The following SEMA3E variants were observed in gnomAD, a reference collection of about 807,000 sequenced individuals.
SEMA3E encodes the protein semaphorin 3E.
Under a neutral mutation model 93.6 loss-of-function variants are expected in SEMA3E, and 49 were observed. The ratio of observed to expected loss-of-function variants is 0.52; its 90% CI spans 0.42 to 0.66. The LOEUF (loss-of-function observed/expected upper bound fraction) is 0.66. SEMA3E is among the 30% of genes least tolerant of loss of function. SEMA3E has a pLI of 0.00. For synonymous variants in SEMA3E, 363 were observed against 330.7 expected (o/e 1.10, Z -1.06); for missense variants, 906 against 964.8 (o/e 0.94, Z 0.81).
At position 83,525,104 on chromosome 7, in the gene SEMA3E, A is replaced by G. The variant is rs548125744; in HGVS notation, c.116-34830T>C. Among the ~76,000 whole-genome samples the G allele has an allele frequency of 2.0e-5, 3 of 152,174 alleles. No homozygotes were observed. The South Asian group carries it at 6.2e-4, about 32-fold the overall frequency. ...TTGCATGTCTGAACCGTGTTTATTC[A>G]ATGCCCTAAGTTAATTGACACTTTG... is the stretch of plus-strand genomic sequence containing the variant. On this transcript the variant is annotated intron_variant, in intron 1 of 16. Coordinates refer to ENST00000643230, the MANE Select transcript of SEMA3E (RefSeq NM_012431.3).
At chr7:83,634,050 C>T (rs940757793) in intron 1 of SEMA3E, among the ~76,000 whole-genome samples, 1 of 152,188 alleles carries the variant, frequency 6.6e-6, no homozygotes, top group African/African-American at 2.4e-5. Context: ...ACTACCAACT[C>T]TGCTAACTAT....
At chr7:83,379,458 A>T (rs2116908122) in intron 16 of SEMA3E, among the ~76,000 whole-genome samples, 1 of 152,046 alleles carries the variant, frequency 6.6e-6, no homozygotes, top group East Asian at 1.9e-4. Context: ...CATATAAAGC[A>T]CTTAGAATAG....
intron 1 of SEMA3E, among the ~76,000 whole-genome samples, chr7:83,598,119 A>C (rs1473705806): frequency 6.6e-6 from 1 of 152,182 alleles, no homozygotes; most frequent in Non-Finnish European, 1.5e-5. Flanking sequence ...TATTCTCATC[A>C]ATATGGAGAG....
At chr7:83,463,966 G>A (rs1289483740) in intron 4 of SEMA3E, among the ~76,000 whole-genome samples, 1 of 152,076 alleles carries the variant, frequency 6.6e-6, no homozygotes, top group Admixed American at 6.6e-5. Flanking sequence ...ATAGGTAGAG[G>A]CCTTTTCTAC....
At position 83,407,315 on chromosome 7, in the gene SEMA3E, G is replaced by A. The variant is rs1349478546; in HGVS notation, c.671-76C>T. ...TGCTAACAAGTTATTCCAATAAATT[G>A]TATATCATCTGAATCCTTAAGTTTA... On this transcript the variant is annotated intron_variant, in intron 6 of 16. Coordinates refer to ENST00000643230, the MANE Select transcript of SEMA3E (RefSeq NM_012431.3). The A allele has an allele frequency of 2.4e-6, 3 of 1,232,370 alleles. No homozygotes were observed. The East Asian group carries it at 7.2e-5, about 30-fold the overall frequency. The allele number at this position is 1,232,370 out of a possible 1,614,324, so 76.3% of individuals were successfully genotyped here.
intron 4 of SEMA3E, among the ~76,000 whole-genome samples, chr7:83,430,716 T>C (rs906229355): frequency 6.6e-6 from 1 of 151,960 alleles, no homozygotes; most frequent in Non-Finnish European, 1.5e-5. Flanking sequence ...TTAGGACAAA[T>C]ACCTAATGGA....
chr7:83,412,023 A>C (rs926551855), intron 5 of SEMA3E, among the ~76,000 whole-genome samples: 2 of 152,122 alleles, frequency 1.3e-5, no homozygotes, highest in African/African-American at 4.8e-5. Context: ...GACCACCACA[A>C]ACTGCTCAAA....
intron 4 of SEMA3E, among the ~76,000 whole-genome samples, chr7:83,425,500 G>C (rs551937047): frequency 6.6e-6 from 1 of 152,236 alleles, no homozygotes; most frequent in African/African-American, 2.4e-5. Context: ...CTGCTGCAAA[G>C]AGTCCTTTCT....
intron 4 of SEMA3E, among the ~76,000 whole-genome samples, chr7:83,455,415 C>T (rs1789459741): frequency 6.6e-6 from 1 of 152,192 alleles, no homozygotes; most frequent in African/African-American, 2.4e-5. Flanking sequence ...CATTTCTCAT[C>T]TTTCATTCTG....
chr7:83,613,619 A>G (rs1166855061), intron 1 of SEMA3E, among the ~76,000 whole-genome samples: 1 of 152,122 alleles, frequency 6.6e-6, no homozygotes, highest in Non-Finnish European at 1.5e-5. Flanking sequence ...TAAGATTGTC[A>G]GTATTTTTGA....
chr7:83,396,201 TATC>T (rs768880414), intron 12 of SEMA3E, among the ~76,000 whole-genome samples: 3 of 152,128 alleles, frequency 2.0e-5, no homozygotes, highest in East Asian at 1.9e-4. Context: ...TCTTTTTTAT[TATC>T]ATCTTCTATT....
chr7:83,636,199 A>G (rs983713549), intron 1 of SEMA3E, among the ~76,000 whole-genome samples: 1 of 152,114 alleles, frequency 6.6e-6, no homozygotes, highest in Non-Finnish European at 1.5e-5. Context: ...ATTTACAGAT[A>G]TTTTCTGAAT....
intron 1 of SEMA3E, among the ~76,000 whole-genome samples, chr7:83,492,640 G>A (rs1790409577): frequency 6.6e-6 from 1 of 151,864 alleles, no homozygotes; most frequent in Non-Finnish European, 1.5e-5. Context: ...AGAAAGCAGA[G>A]GGAAAGAACG....
intron 2 of SEMA3E, among the ~76,000 whole-genome samples, chr7:83,474,605 A>C (rs1302916141): frequency 6.6e-6 from 1 of 152,234 alleles, no homozygotes; most frequent in African/African-American, 2.4e-5. Context: ...ACCAACCCTA[A>C]AGCAAAAAGC....
At chr7:83,628,918 G>A (rs1793728854) in intron 1 of SEMA3E, among the ~76,000 whole-genome samples, 1 of 152,054 alleles carries the variant, frequency 6.6e-6, no homozygotes, top group African/African-American at 2.4e-5. Context: ...TCATCCTCAT[G>A]TGTTTGTCTA....
At chr7:83,404,874 T>C (rs1194986152) in intron 9 of SEMA3E, among the ~76,000 whole-genome samples, 1 of 151,946 alleles carries the variant, frequency 6.6e-6, no homozygotes, top group Non-Finnish European at 1.5e-5. Context: ...TAAATCAGTG[T>C]TGGAGGAGAA....
intron 1 of SEMA3E, among the ~76,000 whole-genome samples, chr7:83,574,582 G>A (rs1792361858): frequency 6.6e-6 from 1 of 152,052 alleles, no homozygotes; most frequent in Non-Finnish European, 1.5e-5. Flanking sequence ...TTAGCCATGT[G>A]ATTTTCTTTG....
intron 1 of SEMA3E, among the ~76,000 whole-genome samples, chr7:83,559,914 A>G (rs1488385583): frequency 1.3e-5 from 2 of 152,084 alleles, no homozygotes; most frequent in African/African-American, 4.8e-5. Flanking sequence ...CTATCAAGGC[A>G]TGAAAACACA....
chr7:83,585,914 C>A (rs987796480), intron 1 of SEMA3E, among the ~76,000 whole-genome samples: 1 of 152,168 alleles, frequency 6.6e-6, no homozygotes, highest in Non-Finnish European at 1.5e-5. Context: ...TTGCTACCTA[C>A]TTCATGAAAT....
Sources: allele counts gnomAD v4.1 joint callset (sites outside exome capture counted in the v4.1 genomes callset), GRCh38; gene constraint gnomAD v4.1.1; transcripts MANE v1.5; gene names NCBI Gene and HGNC (gene_info 2026-07-23, HGNC 2026-07-21).